The following RIN2 variants were observed in gnomAD, a reference collection of about 807,000 sequenced individuals.
The protein encoded by RIN2 is RAB5 interacting protein 2.
RIN2 carries 36 observed loss-of-function variants against 78.0 expected under a neutral mutation model. The observed-to-expected ratio is 0.46, with a 90% CI of 0.35 to 0.61. The LOEUF is 0.61. Ranked by LOEUF, RIN2 falls within the 20% of genes least tolerant of loss-of-function variation. RIN2 has a pLI of 0.00. For synonymous variants in RIN2, 466 were observed against 466.8 expected (o/e 1.00, Z 0.02); for missense variants, 1,087 against 1,159.7 (o/e 0.94, Z 0.91).
rs148455847 is a variant in RIN2, at chr20:19,766,012, G to A, written c.-163+7685G>A. ...CTAGGTTGACGGAGGCGCTTTATTA[G>A]GGTGGCTTCTTCAAAGCTTCTTATC... On this transcript the variant is annotated intron_variant, in intron 1 of 12. Transcript: ENST00000255006. 1.7e-3 allele frequency among the ~76,000 whole-genome samples: 257 copies of A among 152,226 alleles called. 2 individuals are homozygous for A. The highest frequency in any genetic ancestry group is 5.8e-3 in the African/African-American group (242 of 41,524).
At chr20:19,848,019 T>C (rs2036840377) in intron 2 of RIN2, among the ~76,000 whole-genome samples, 1 of 152,178 alleles carries the variant, frequency 6.6e-6, no homozygotes, top group African/African-American at 2.4e-5. Flanking sequence ...CAATAAAACT[T>C]TATTTGCTAA....
chr20:19,892,640 C>G (rs2328471), intron 3 of RIN2, among the ~76,000 whole-genome samples: 93,340 of 152,062 alleles, frequency 0.61, 28,783 homozygotes, highest in East Asian at 0.7. Context: ...GCCTCCCAAA[C>G]TGCTGGGATT....
At chr20:19,957,627 A>G (rs183930460) in intron 5 of RIN2, among the ~76,000 whole-genome samples, 10 of 152,236 alleles carry the variant, frequency 6.6e-5, no homozygotes, top group African/African-American at 2.4e-4. Context: ...CCATGAGCAG[A>G]GATTGTGCCA....
intron 3 of RIN2, among the ~76,000 whole-genome samples, chr20:19,921,258 C>T (rs765766662): frequency 6.6e-6 from 1 of 152,180 alleles, no homozygotes; most frequent in Non-Finnish European, 1.5e-5. Context: ...CAGAAGAGAA[C>T]CGCTGCCTCC....
chr20:19,943,975 C>CTTTTTT (rs58524523), intron 4 of RIN2, among the ~76,000 whole-genome samples: 1 of 95,880 alleles, frequency 1.0e-5, no homozygotes, highest in African/African-American at 4.3e-5. Flanking sequence ...TTTCAATATC[C>CTTTTTT]TTTTTTTTTT....
chr20:19,836,049 T>G (rs1457481713), intron 2 of RIN2, among the ~76,000 whole-genome samples: 1 of 152,192 alleles, frequency 6.6e-6, no homozygotes, highest in East Asian at 1.9e-4. Flanking sequence ...TAAGTCGCCC[T>G]GTTCTGCATC....
chr20:19,824,813 G>A (rs947069270), intron 2 of RIN2, among the ~76,000 whole-genome samples: 12 of 152,282 alleles, frequency 7.9e-5, no homozygotes, highest in African/African-American at 2.6e-4. Context: ...AGGTCCCGCC[G>A]ATGATCATTT....
chr20:19,986,761 T>A (rs928906153), intron 9 of RIN2, among the ~76,000 whole-genome samples: 3 of 152,226 alleles, frequency 2.0e-5, no homozygotes, highest in African/African-American at 7.2e-5. Context: ...GGTGAAAATC[T>A]CATCCAGGTC....
chr20:19,979,142 AT>A (rs1365908580), intron 9 of RIN2, among the ~76,000 whole-genome samples: 3 of 152,180 alleles, frequency 2.0e-5, no homozygotes, highest in African/African-American at 7.2e-5. Flanking sequence ...AATGATGTTT[AT>A]TTCTGACTTG....
intron 2 of RIN2, chr20:19,824,075 A>C: frequency 1.6e-6 from 1 of 616,344 alleles, no homozygotes; most frequent in Non-Finnish European, 2.9e-6. Context: ...ACTGGTATGC[A>C]CATGTGCTGA....
chr20:19,996,459 CCTGGGTCG>C (rs1184951729), intron 11 of RIN2, among the ~76,000 whole-genome samples: 1 of 152,214 alleles, frequency 6.6e-6, no homozygotes, highest in Non-Finnish European at 1.5e-5. Flanking sequence ...CCCTCCCAGG[CCTGGGTCG>C]CTCCAGAAAT....
chr20:19,890,299 A>G (rs1053008907), intron 3 of RIN2, among the ~76,000 whole-genome samples: 1 of 152,158 alleles, frequency 6.6e-6, no homozygotes, highest in African/African-American at 2.4e-5. Flanking sequence ...GTGTGTGTGT[A>G]TTTAATGAAG....
intron 1 of RIN2, among the ~76,000 whole-genome samples, chr20:19,785,705 T>A (rs949976189): frequency 1.3e-5 from 2 of 152,198 alleles, no homozygotes; most frequent in South Asian, 4.1e-4. Flanking sequence ...GACTAGGAAA[T>A]ACCCAAATAC....
Position 19,975,634 on chromosome 20 carries a change from G to A in RIN2, c.1609G>A (p.Val537Met), listed in dbSNP as rs374326201. The A allele has an allele frequency of 1.9e-6, 3 of 1,613,868 alleles. No individual in the cohort carries two copies. The highest frequency in any genetic ancestry group is 2.5e-6 in the Non-Finnish European group (3 of 1,179,892). The change falls in exon 9 of 13, where the codon GTG (valine) becomes ATG (methionine). Residue 537 changes from valine to methionine, a missense_variant. Physicochemically the swap from Val to Met is conservative, Grantham distance 21. This residue lies in a region of RIN2 where 34 missense variants were observed against 46.1 expected (regional missense o/e 0.74). Transcript: ENST00000255006. This position sits in a 1 kb window ranked among gnomAD's most constrained non-coding sequence, Gnocchi z 4.9. ...CTTCGGGTGCTTAGTGCAGGACTACGTGAGCTTCCTGCAGGAGAACAAGGA... is the reference window on the plus strand; with the variant it reads ...CTTCGGGTGCTTAGTGCAGGACTACATGAGCTTCCTGCAGGAGAACAAGGA... ...TYFGCLVQDY[V>M]SFLQENKECH...
intron 2 of RIN2, among the ~76,000 whole-genome samples, chr20:19,873,048 A>G (rs1435223317): frequency 6.6e-6 from 1 of 152,136 alleles, no homozygotes; most frequent in Non-Finnish European, 1.5e-5. Context: ...ATTTAAACAT[A>G]GACTCAAATA....
At chr20:19,774,691 C>T (rs760482760) in intron 1 of RIN2, among the ~76,000 whole-genome samples, 4 of 152,218 alleles carry the variant, frequency 2.6e-5, no homozygotes, top group Non-Finnish European at 4.4e-5. Flanking sequence ...CTTTGTACTT[C>T]CCTGAATCTC....
chr20:19,876,901 C>A (rs201386267), intron 2 of RIN2, among the ~76,000 whole-genome samples: 20 of 142,502 alleles, frequency 1.4e-4, no homozygotes, highest in African/African-American at 1.8e-4. Flanking sequence ...GACTCCATCT[C>A]AAAAAAAAAA....
At position 19,763,249 on chromosome 20, in the gene RIN2, C is replaced by CT. The variant is rs200430182; in HGVS notation, c.-163+4923dup. 1.7e-3 allele frequency among the ~76,000 whole-genome samples: 263 copies of CT among 152,116 alleles called. 2 individuals are homozygous for CT. The highest frequency in any genetic ancestry group is 6.0e-3 in the African/African-American group (248 of 41,526). On this transcript the variant is annotated intron_variant, in intron 1 of 12. Transcript: ENST00000255006. Reference sequence around the variant, plus strand: ...AAAATACCAAAAAAATTAGCTGGGCCTGGTGGCAGGCCCCTGTAGTCCTCG... The same window carrying CT: ...AAAATACCAAAAAAATTAGCTGGGCCTTGGTGGCAGGCCCCTGTAGTCCTCG...
intron 2 of RIN2, among the ~76,000 whole-genome samples, chr20:19,828,712 C>G (rs900972952): frequency 2.0e-5 from 3 of 152,192 alleles, no homozygotes; most frequent in Non-Finnish European, 4.4e-5. Flanking sequence ...ATGAATGGAA[C>G]ATGATAAAAT....
Sources: allele counts gnomAD v4.1 joint callset (sites outside exome capture counted in the v4.1 genomes callset), GRCh38; gene constraint gnomAD v4.1.1; regional missense constraint gnomAD v4.1.1; non-coding constraint Gnocchi (gnomAD v3.1); transcripts MANE v1.5; gene names NCBI Gene and HGNC (gene_info 2026-07-23, HGNC 2026-07-21).